The following TTC21B variants were observed in gnomAD, a reference collection of about 807,000 sequenced individuals.
TTC21B encodes the protein tetratricopeptide repeat domain 21B, also known as tetratricopeptide repeat protein 21B.
Under a neutral mutation model 175.1 loss-of-function variants are expected in TTC21B, and 127 were observed. That is an observed-to-expected ratio of 0.73 (90% CI 0.63 to 0.84). The LOEUF (loss-of-function observed/expected upper bound fraction) is 0.84, where lower values mean the gene tolerates loss of function less well. Among genes scored for constraint, TTC21B ranks in the 40% least tolerant of loss-of-function variants. The pLI is 0.00. For missense variants in TTC21B, 1,561 were observed against 1,558.3 expected, an observed-to-expected ratio of 1.00 and a Z score of -0.03; for synonymous variants, 524 against 524.5, an observed-to-expected ratio of 1.00 and a Z score of 0.01.
At chr2:165,927,578 A>G (rs888402578) in intron 11 of TTC21B, among the ~76,000 whole-genome samples, 17 of 151,170 alleles carry the variant, frequency 1.1e-4, no homozygotes, top group Admixed American at 2.7e-4. Context: ...AGTTTGTTTT[A>G]CATGGGTATT....
At chr2:165,913,427 C>T (rs1377588800) in intron 16 of TTC21B, 147 bp downstream of exon 16, 18 of 609,832 alleles carry the variant, frequency 3.0e-5, no homozygotes, top group Non-Finnish European at 5.2e-5. Context: ...TTTTATTTAT[C>T]CTTTAAAATG....
At chr2:165,940,221 C>T (rs1053866944) in intron 6 of TTC21B, among the ~76,000 whole-genome samples, 31 of 152,062 alleles carry the variant, frequency 2.0e-4, no homozygotes, top group Admixed American at 6.5e-4. Context: ...GACCATTTCT[C>T]AATGATGGCA....
rs140251422 is a variant in TTC21B at position 165,912,369 on chromosome 2, G to A, written c.2322+145C>T. 548 of 706,934 alleles carry A rather than the reference G, an allele frequency of 7.8e-4. 2 individuals carry two copies. The African/African-American group carries it at 8.5e-3, about 11-fold the overall frequency. The allele number at this position is 706,934 out of a possible 1,614,324, so 43.8% of individuals were successfully genotyped here. On this transcript the variant is annotated intron_variant, in intron 17 of 28. Coordinates refer to ENST00000243344, the MANE Select transcript of TTC21B (RefSeq NM_024753.5). ...ATGAAGAATCTGATAAATCTAAGAA[G>A]GCCTTTAACACAAATCCCAGTTCAT...
At chr2:165,898,172 A>T (rs1685434652) in intron 22 of TTC21B, among the ~76,000 whole-genome samples, 1 of 152,188 alleles carries the variant, frequency 6.6e-6, no homozygotes, top group Non-Finnish European at 1.5e-5. Context: ...CATGCTGATT[A>T]GAAAAAAAAT....
At chr2:165,910,402 C>CA (rs752732590) in intron 18 of TTC21B, among the ~76,000 whole-genome samples, 350 of 136,180 alleles carry the variant, frequency 2.6e-3, no homozygotes, top group Middle Eastern at 3.6e-3. Context: ...GACTCTGTCT[C>CA]AAAAAAAAAA....
chr2:165,920,522 A>G (rs1216789933), intron 12 of TTC21B, among the ~76,000 whole-genome samples: 1 of 152,228 alleles, frequency 6.6e-6, no homozygotes, highest in Non-Finnish European at 1.5e-5. Flanking sequence ...GCACAGGTAC[A>G]AAAAGGAAGA....
At chr2:165,912,954 T>G (rs547902489) in intron 16 of TTC21B, among the ~76,000 whole-genome samples, 1 of 152,310 alleles carries the variant, frequency 6.6e-6, no homozygotes, top group East Asian at 1.9e-4. Context: ...ATTGGTTCCC[T>G]TTGAAGAAAA....
rs141664029 is a variant in TTC21B at position 165,943,222 on chromosome 2, A to G, written c.549T>C (p.Gly183=). Reference sequence around the variant, plus strand: ...ATTTACCCTAACTCCAACTCACCTTACCCAGCAGAGCAAAAGTATCATTCC... The same window carrying G: ...ATTTACCCTAACTCCAACTCACCTTGCCCAGCAGAGCAAAAGTATCATTCC... ...QDGNDTFALL[G]KAQCLEMRQN... The change falls in exon 5 of 29, where the codon GGT becomes GGC. Residue 183 remains glycine (G), a synonymous_variant. Transcript: ENST00000243344. 57 of 1,613,464 alleles carry G rather than the reference A, an allele frequency of 3.5e-5. 1 individual carries two copies. The Admixed American group carries it at 4.2e-4, about 12-fold the overall frequency.
chr2:165,953,609 G>A (rs1687827172), intron 1 of TTC21B, 76 bp downstream of exon 1: 39 of 1,532,606 alleles, frequency 2.5e-5, no homozygotes, highest in South Asian at 1.1e-4. Context: ...AGCTCCCTCC[G>A]CGCCCCCGGG....
chr2:165,939,779 T>C (rs1687295855), intron 6 of TTC21B, among the ~76,000 whole-genome samples: 1 of 152,142 alleles, frequency 6.6e-6, no homozygotes, highest in Non-Finnish European at 1.5e-5. Context: ...TGAAACCTTC[T>C]TTTTCCATAA....
chr2:165,890,250 A>G (rs1211384402), intron 24 of TTC21B, among the ~76,000 whole-genome samples: 2 of 152,204 alleles, frequency 1.3e-5, no homozygotes, highest in Non-Finnish European at 2.9e-5. Context: ...AAAGCATTTC[A>G]TGCCTGTTTC....
intron 15 of TTC21B, 101 bp from the exon 16 acceptor site, chr2:165,913,747 T>C (rs1686043890): frequency 1.0e-6 from 1 of 984,964 alleles, no homozygotes; most frequent in South Asian, 1.4e-5. Flanking sequence ...AGTTAGCCAG[T>C]AGCCTTCAGA....
chr2:165,940,961 G>T, intron 6 of TTC21B, 66 bp downstream of exon 6: 1 of 1,573,000 alleles, frequency 6.4e-7, no homozygotes, highest in East Asian at 2.2e-5. Flanking sequence ...AAAATTCACA[G>T]ATGTCGCTTT....
intron 26 of TTC21B, among the ~76,000 whole-genome samples, 159 bp from the exon 27 acceptor site, chr2:165,880,958 T>C (rs1684817726): frequency 6.6e-6 from 1 of 152,156 alleles, no homozygotes; most frequent in Non-Finnish European, 1.5e-5. Flanking sequence ...TTACTGAACT[T>C]AATAAATGAT....
rs1553509657 is a variant in TTC21B at position 165,906,974 on chromosome 2, A to AAG, written c.2568+703_2568+704insCT. On this transcript the variant is annotated intron_variant, in intron 19 of 28. Transcript: ENST00000243344. ...CCGTCTCAAAAAAAAAAAAAAAAAA[A>AAG]AAAGAAAAAAAGAATTAGCATCAAT... Among the ~76,000 whole-genome samples, 571 of 146,792 alleles carry AAG rather than the reference A, an allele frequency of 3.9e-3. 5 individuals carry two copies. The highest frequency in any genetic ancestry group is 0.014 in the African/African-American group (549 of 39,020).
rs139327086 is a variant in TTC21B at position 165,874,774 on chromosome 2, C to A, written c.3932G>T (p.Arg1311Leu). ...TTATTTTCAAGGTCTTAAAGACGCA[C>A]GGGCCTTATCAAGTATATCCTTTCT... ...KIRKDILDKA[R>L]ASLRP is the part of the protein sequence containing the mutation. Residue 1311 changes from arginine to leucine, a missense_variant, in exon 29 of 29, where the codon CGT becomes CTT. Coordinates refer to ENST00000243344, the MANE Select transcript of TTC21B (RefSeq NM_024753.5). The A allele has an allele frequency of 6.2e-7, 1 of 1,613,626 alleles. No homozygotes were observed. Among genetic ancestry groups the A allele is most frequent in the Non-Finnish European group, 8.5e-7 (1 of 1,179,706 alleles).
At chr2:165,890,040 G>A (rs1574070408) in intron 24 of TTC21B, among the ~76,000 whole-genome samples, 1 of 152,086 alleles carries the variant, frequency 6.6e-6, no homozygotes, top group South Asian at 2.1e-4. Context: ...CATTAAACAA[G>A]TTGACTCAGC....
Position 165,901,861 on chromosome 2 carries a change from G to C in TTC21B, c.2618C>G (p.Pro873Arg). ...RVLKRVQMEQ[P>R]DAVPAQKHLA... ...ATGTTTCTGTGCAGGAACTGCATCT[G>C]GCTGTTCCATCTGAACACGTTTTAG... The change falls in exon 20 of 29, where the codon CCA (proline) becomes CGA (arginine). Residue 873 changes from proline (P) to arginine (R), a missense_variant. By Grantham distance (103) the Pro-to-Arg change is moderately radical. Coordinates refer to ENST00000243344, the MANE Select transcript of TTC21B (RefSeq NM_024753.5). 1 of 1,613,716 alleles carries C rather than the reference G, an allele frequency of 6.2e-7. No homozygotes were observed. The highest frequency in any genetic ancestry group is 8.5e-7 in the Non-Finnish European group (1 of 1,179,888).
At chr2:165,953,249 C>A (rs1252040924) in intron 1 of TTC21B, among the ~76,000 whole-genome samples, 1 of 152,184 alleles carries the variant, frequency 6.6e-6, no homozygotes, top group Non-Finnish European at 1.5e-5. Flanking sequence ...AATAACGACC[C>A]CTCCACTTTT....
Sources: gnomAD v4.1 joint callset for allele counts (sites outside exome capture counted in the v4.1 genomes callset) on GRCh38, gnomAD v4.1.1 for gene constraint, MANE v1.5 for transcripts, NCBI Gene and HGNC (gene_info 2026-07-23, HGNC 2026-07-21) for gene names.